CCDC146: variants seen among roughly 807,000 people sequenced by gnomAD.
CCDC146 encodes the protein coiled-coil domain-containing protein 146.
CCDC146 carries 92 observed loss-of-function variants against 119.3 expected under a neutral mutation model. The ratio of observed to expected loss-of-function variants is 0.77; its 90% CI spans 0.65 to 0.92. CCDC146 has a LOEUF of 0.92. Among genes scored for constraint, CCDC146 ranks in the 40% least tolerant of loss-of-function variants. The pLI, the probability that CCDC146 is intolerant of heterozygous loss-of-function variation, is 0.00. For missense variants in CCDC146, 1,000 were observed against 1,103.0 expected (o/e 0.91, Z 1.32); for synonymous variants, 372 against 371.8 (o/e 1.00, Z -0.01).
intron 2 of CCDC146, among the ~76,000 whole-genome samples, chr7:77,169,659 G>T (rs140912406): frequency 6.6e-6 from 1 of 152,036 alleles, no homozygotes; most frequent in African/African-American, 2.4e-5. Flanking sequence ...TGCTATCATT[G>T]TCCCACATTT....
intron 2 of CCDC146, among the ~76,000 whole-genome samples, chr7:77,209,177 G>A (rs1035233807): frequency 6.6e-6 from 1 of 152,134 alleles, no homozygotes; most frequent in Non-Finnish European, 1.5e-5. Context: ...TTCCACCTAT[G>A]AGCCTGTGAA....
intron 11 of CCDC146, among the ~76,000 whole-genome samples, chr7:77,277,693 T>C (rs1479837326): frequency 6.6e-6 from 1 of 152,202 alleles, no homozygotes; most frequent in Non-Finnish European, 1.5e-5. Flanking sequence ...TAAATATTCG[T>C]TTCTTCCTGA....
intron 2 of CCDC146, among the ~76,000 whole-genome samples, chr7:77,203,131 T>A (rs948868252): frequency 1.4e-5 from 2 of 145,882 alleles, no homozygotes; most frequent in Non-Finnish European, 3.0e-5. Flanking sequence ...TAGCAGGCAC[T>A]AGATAAGAGG....
intron 2 of CCDC146, among the ~76,000 whole-genome samples, chr7:77,229,523 A>G (rs1792578932): frequency 6.6e-6 from 1 of 152,180 alleles, no homozygotes; most frequent in Non-Finnish European, 1.5e-5. Flanking sequence ...TCCAGTTTCA[A>G]TCTTCTGCAT....
chr7:77,204,517 T>A (rs1482688558), intron 2 of CCDC146, among the ~76,000 whole-genome samples: 2 of 152,178 alleles, frequency 1.3e-5, no homozygotes, highest in African/African-American at 4.8e-5. Flanking sequence ...TCCTTAAGAT[T>A]TCTGGATCAA....
intron 11 of CCDC146, among the ~76,000 whole-genome samples, chr7:77,276,945 A>G (rs893067311): frequency 6.6e-6 from 1 of 152,148 alleles, no homozygotes; most frequent in Non-Finnish European, 1.5e-5. Flanking sequence ...GGTGGTGGGC[A>G]CCTGTAATCC....
intron 2 of CCDC146, among the ~76,000 whole-genome samples, chr7:77,234,325 A>G (rs749661351): frequency 6.6e-6 from 1 of 152,198 alleles, no homozygotes; most frequent in Non-Finnish European, 1.5e-5. Context: ...AAACCAATGA[A>G]AATGTTTGAA....
At chr7:77,254,616 CT>C in intron 5 of CCDC146, 53 bp downstream of exon 5, 1 of 988,818 alleles carries the variant, frequency 1.0e-6, no homozygotes, top group African/African-American at 1.7e-5. Flanking sequence ...TCAATCATCC[CT>C]TTTTATAAAT....
intron 2 of CCDC146, among the ~76,000 whole-genome samples, chr7:77,182,376 CT>C (rs1477062519): frequency 6.6e-6 from 1 of 152,132 alleles, no homozygotes; most frequent in African/African-American, 2.4e-5. Context: ...CATTTTTCAG[CT>C]CATAATACTT....
At chr7:77,127,050 C>T (rs531832063) in intron 1 of CCDC146, among the ~76,000 whole-genome samples, 36 of 152,268 alleles carry the variant, frequency 2.4e-4, no homozygotes, top group African/African-American at 8.2e-4. Flanking sequence ...GCAGCGGGAG[C>T]AGACACCCCA....
chr7:77,241,651 A>T (rs201892924), intron 3 of CCDC146, 40 bp from the exon 4 acceptor site: 1 of 1,574,310 alleles, frequency 6.4e-7, no homozygotes, highest in East Asian at 2.2e-5. Flanking sequence ...GAGGATGTAC[A>T]TGTCTCATTA....
chr7:77,149,515 C>T (rs563705866), intron 1 of CCDC146, among the ~76,000 whole-genome samples: 2 of 152,110 alleles, frequency 1.3e-5, no homozygotes, highest in African/African-American at 4.8e-5. Flanking sequence ...TCTGTAATCC[C>T]AGCACTTTGG....
At position 77,239,943 on chromosome 7, in the gene CCDC146, C is replaced by A. The variant is rs545747538; in HGVS notation, c.240-1748C>A. 1.1e-3 allele frequency among the ~76,000 whole-genome samples: 166 copies of A among 152,332 alleles called. 1 individual carries two copies. Among genetic ancestry groups the A allele is most frequent in the Admixed American group, 2.0e-3 (30 of 15,300 alleles). Reference sequence around the variant, plus strand: ...CCTCTACCGTGACCTTCAAGTCCATCCAGCTCTAACCAGTGTCCAATTTAG... The same window carrying A: ...CCTCTACCGTGACCTTCAAGTCCATACAGCTCTAACCAGTGTCCAATTTAG... On this transcript the variant is annotated intron_variant, in intron 3 of 18. Coordinates refer to ENST00000285871, the MANE Select transcript of CCDC146 (RefSeq NM_020879.3).
At position 77,212,102 on chromosome 7, in the gene CCDC146, A is replaced by G. The variant is rs552811133; in HGVS notation, c.157-24845A>G. Among the ~76,000 whole-genome samples the G allele has an allele frequency of 1.3e-3, 197 of 152,334 alleles. 1 individual carries two copies. Among genetic ancestry groups the G allele is most frequent in the African/African-American group, 4.7e-3 (194 of 41,574 alleles). Reference sequence around the variant, plus strand: ...TGCACTTAGACAGAAAATGATGCATACATATGGGAAAGAACAAATGACCAT... The same window carrying G: ...TGCACTTAGACAGAAAATGATGCATGCATATGGGAAAGAACAAATGACCAT... On this transcript the variant is annotated intron_variant, in intron 2 of 18. Transcript: ENST00000285871.
At chr7:77,235,014 G>A (rs1266805481) in intron 2 of CCDC146, among the ~76,000 whole-genome samples, 1 of 152,092 alleles carries the variant, frequency 6.6e-6, no homozygotes, top group Non-Finnish European at 1.5e-5. Context: ...GAAAGACCAC[G>A]AAACCCCACT....
At chr7:77,231,180 A>G (rs896901639) in intron 2 of CCDC146, among the ~76,000 whole-genome samples, 1 of 152,196 alleles carries the variant, frequency 6.6e-6, no homozygotes, top group African/African-American at 2.4e-5. Flanking sequence ...CTTAGTTACC[A>G]GGTCCACTGT....
intron 2 of CCDC146, chr7:77,198,420 T>C: frequency 2.1e-6 from 1 of 484,350 alleles, no homozygotes; most frequent in Non-Finnish European, 2.7e-6. Context: ...GGAGAGTCAA[T>C]ACCACTGTTA....
At chr7:77,248,918 G>T (rs1031850862) in intron 4 of CCDC146, among the ~76,000 whole-genome samples, 1 of 152,164 alleles carries the variant, frequency 6.6e-6, no homozygotes, top group Non-Finnish European at 1.5e-5. Flanking sequence ...ACTTTCTAAT[G>T]TTTTTATTTC....
chr7:77,286,935 T>C lies in CCDC146; in HGVS notation c.2277+9T>C. ...TCCAAAAATTAGACAAGGTAAACAT[T>C]ATTGCTTAAAATTGCATCTGTTAGC... On this transcript the variant is annotated intron_variant, in intron 16 of 18. Transcript: ENST00000285871. The C allele has an allele frequency of 1.2e-6, 2 of 1,613,906 alleles. No individual in the cohort carries two copies. The highest frequency in any genetic ancestry group is 1.7e-6 in the Non-Finnish European group (2 of 1,179,894).
Sources: gnomAD v4.1 joint callset for allele counts (sites outside exome capture counted in the v4.1 genomes callset) on GRCh38, gnomAD v4.1.1 for gene constraint, MANE v1.5 for transcripts, NCBI Gene and HGNC (gene_info 2026-07-23, HGNC 2026-07-21) for gene names.